Variants in TBC1D9 observed in about 807,000 individuals in gnomAD.
The protein encoded by TBC1D9 is TBC1 domain family member 9.
TBC1D9 carries 63 observed loss-of-function variants against 132.0 expected under a neutral mutation model. The ratio of observed to expected loss-of-function variants is 0.48; its 90% CI spans 0.39 to 0.59. The LOEUF (loss-of-function observed/expected upper bound fraction) is 0.59. Among genes scored for constraint, TBC1D9 ranks in the 20% least tolerant of loss-of-function variants. The pLI is 0.00. For synonymous variants in TBC1D9, 610 were observed against 609.9 expected, an observed-to-expected ratio of 1.00 and a Z score of 0.00; for missense variants, 1,261 against 1,592.7, an observed-to-expected ratio of 0.79 and a Z score of 3.54.
chr4:140,624,232 T>C lies in TBC1D9; in HGVS notation c.2975-13A>G, dbSNP rs759191343. 2 of 1,611,172 alleles carry C rather than the reference T, an allele frequency of 1.2e-6. No individual in the cohort carries two copies. Among genetic ancestry groups the C allele is most frequent in the African/African-American group, 2.7e-5 (2 of 74,896 alleles). On this transcript the variant is annotated splice_polypyrimidine_tract_variant and intron_variant, in intron 19 of 20. Transcript: ENST00000442267. ...TTTGCTCTCTTCCCTACAACCCAAA[T>C]GTCAAGAAATAAGTGCTTACAGGCC... is the stretch of plus-strand genomic sequence containing the variant.
chr4:140,743,862 C>T (rs1483988317), intron 1 of TBC1D9, among the ~76,000 whole-genome samples: 1 of 152,156 alleles, frequency 6.6e-6, no homozygotes, highest in East Asian at 1.9e-4. Context: ...TATGCAGTGT[C>T]CCTAGAGCAG....
At chr4:140,679,904 T>C (rs979119132) in intron 3 of TBC1D9, 61 bp from the exon 4 acceptor site, 2 of 1,375,050 alleles carry the variant, frequency 1.5e-6, no homozygotes, top group Non-Finnish European at 2.0e-6. Context: ...GATGTACATA[T>C]TCCAGAAGAA....
rs186275770 is a variant in TBC1D9, at chr4:140,738,336, C to T, written c.130+17580G>A. Among the ~76,000 whole-genome samples, 303 of 152,290 alleles carry T rather than the reference C, an allele frequency of 2.0e-3. 2 individuals carry two copies. The highest frequency in any genetic ancestry group is 6.7e-3 in the African/African-American group (277 of 41,564). ...TATGTAAAAATGTGGATTTGCTGAGCATGAGATGAATGCATAATTGACCCC... is the reference window on the plus strand; with the variant it reads ...TATGTAAAAATGTGGATTTGCTGAGTATGAGATGAATGCATAATTGACCCC... On this transcript the variant is annotated intron_variant, in intron 1 of 20. Transcript: ENST00000442267.
chr4:140,690,574 G>A (rs938198032), intron 2 of TBC1D9, among the ~76,000 whole-genome samples: 2 of 152,006 alleles, frequency 1.3e-5, no homozygotes, highest in African/African-American at 2.4e-5. Flanking sequence ...CCAGCCACTC[G>A]CTGCTCCCAT....
At chr4:140,662,946 A>G (rs1737387240) in intron 9 of TBC1D9, among the ~76,000 whole-genome samples, 1 of 152,224 alleles carries the variant, frequency 6.6e-6, no homozygotes, top group Non-Finnish European at 1.5e-5. Flanking sequence ...TGAAACCATA[A>G]AACTAGTAGA....
intron 1 of TBC1D9, among the ~76,000 whole-genome samples, chr4:140,740,006 T>A (rs888278499): frequency 6.6e-6 from 1 of 152,188 alleles, no homozygotes; most frequent in Non-Finnish European, 1.5e-5. Flanking sequence ...CTTAGAATAA[T>A]GGAGCTGAAA....
chr4:140,747,017 AAAAT>A (rs375774605), intron 1 of TBC1D9, among the ~76,000 whole-genome samples: 5 of 151,142 alleles, frequency 3.3e-5, no homozygotes, highest in Admixed American at 2.0e-4. Context: ...ATAAAAATAA[AAAAT>A]AAATAAATAA....
chr4:140,667,558 T>C (rs1443666320), intron 9 of TBC1D9, among the ~76,000 whole-genome samples: 1 of 152,088 alleles, frequency 6.6e-6, no homozygotes, highest in Non-Finnish European at 1.5e-5. Flanking sequence ...TAGAGATGAG[T>C]TGACTCAAAT....
chr4:140,677,610 T>G (rs1303721516), intron 5 of TBC1D9, among the ~76,000 whole-genome samples: 1 of 152,206 alleles, frequency 6.6e-6, no homozygotes, highest in Non-Finnish European at 1.5e-5. Context: ...CTGGGTCTTC[T>G]GTTAACTACT....
chr4:140,641,819 G>A (rs946852423), intron 13 of TBC1D9: 11 of 294,796 alleles, frequency 3.7e-5, no homozygotes, highest in Non-Finnish European at 6.5e-5. Context: ...AACCCAGATG[G>A]CGGCCTTCCT....
intron 13 of TBC1D9, among the ~76,000 whole-genome samples, chr4:140,654,832 T>A (rs942024555): frequency 1.6e-4 from 25 of 152,152 alleles, no homozygotes; most frequent in Non-Finnish European, 4.4e-5. Context: ...ATTTTTTTAA[T>A]CCAAACTTTT....
In TBC1D9 at chr4:140,622,415, T is replaced by C. The variant is rs201117117; in HGVS notation, c.3581A>G (p.Gln1194Arg). The C allele has an allele frequency of 2.3e-5, 37 of 1,613,402 alleles. No individual in the cohort carries two copies. The African/African-American group carries it at 4.7e-4, about 20-fold the overall frequency. Residue 1194 changes from glutamine to arginine, a missense_variant, in exon 21 of 21, where the codon CAG (glutamine) becomes CGG (arginine). This residue lies in a region of TBC1D9 where 618 missense variants were observed against 724.4 expected (regional missense o/e 0.85). Coordinates refer to ENST00000442267, the MANE Select transcript of TBC1D9 (RefSeq NM_015130.3). ...GEDTVLVRSGQGTAALPRSTS... is the reference protein window; with the variant it reads ...GEDTVLVRSGRGTAALPRSTS... ...GCTCCGGGGCAGTGCCGCCGTGCCC[T>C]GGCCGCTCCGCACCAGGACCGTGTC...
At position 140,676,894 on chromosome 4, in the gene TBC1D9, C is replaced by T. The variant is rs1737633260; in HGVS notation, c.1059G>A (p.Glu353=). 2.5e-6 allele frequency: 4 copies of T among 1,613,606 alleles called. No homozygotes were observed. The highest frequency in any genetic ancestry group is 1.3e-5 in the African/African-American group (1 of 74,898). Reference sequence around the variant, plus strand: ...ATATCAATTTTTATCAGATACTTACCTCACGGAGCGGGATAATGAGGCTAC... The same window carrying T: ...ATATCAATTTTTATCAGATACTTACTTCACGGAGCGGGATAATGAGGCTAC... ...NLCSLIIPLR[E]VTIVEKADSS... is the part of the protein sequence containing the mutation. Residue 353 remains glutamate (E), a splice_region_variant and synonymous_variant, in exon 6 of 21, where the codon GAG becomes GAA. Coordinates refer to ENST00000442267, the MANE Select transcript of TBC1D9 (RefSeq NM_015130.3).
At chr4:140,686,319 A>G in intron 3 of TBC1D9, 25 bp downstream of exon 3, 1 of 1,276,974 alleles carries the variant, frequency 7.8e-7, no homozygotes, top group Non-Finnish European at 1.1e-6. Context: ...TTTCCAATTA[A>G]AATGTTTTTC....
intron 13 of TBC1D9, among the ~76,000 whole-genome samples, chr4:140,646,276 C>A (rs1737102285): frequency 6.6e-6 from 1 of 152,178 alleles, no homozygotes; most frequent in Non-Finnish European, 1.5e-5. Context: ...AAGTTCAAAC[C>A]CAGGTCGTCT....
chr4:140,755,479 G>A (rs2111090573), intron 1 of TBC1D9, among the ~76,000 whole-genome samples: 1 of 152,118 alleles, frequency 6.6e-6, no homozygotes, highest in South Asian at 2.1e-4. Context: ...TCGCTTCCCT[G>A]GAAACAAAAG....
chr4:140,715,421 C>T (rs1403997878), intron 1 of TBC1D9, among the ~76,000 whole-genome samples: 1 of 152,196 alleles, frequency 6.6e-6, no homozygotes, highest in East Asian at 1.9e-4. Context: ...TGCATACATC[C>T]TGGTAACAAA....
chr4:140,707,114 C>T (rs1426043100), intron 1 of TBC1D9, among the ~76,000 whole-genome samples: 1 of 107,808 alleles, frequency 9.3e-6, no homozygotes, highest in Non-Finnish European at 1.8e-5. Context: ...ATCTCCAATA[C>T]TTAGTATTAC....
At chr4:140,645,664 TA>T (rs1418633337) in intron 13 of TBC1D9, among the ~76,000 whole-genome samples, 1 of 152,230 alleles carries the variant, frequency 6.6e-6, no homozygotes, top group East Asian at 1.9e-4. Context: ...TCTCTTGGGA[TA>T]AAATTCCAAG....
Sources: gnomAD v4.1 joint callset for allele counts (sites outside exome capture counted in the v4.1 genomes callset) on GRCh38, gnomAD v4.1.1 for gene constraint, gnomAD v4.1.1 regional missense constraint, MANE v1.5 for transcripts, NCBI Gene and HGNC (gene_info 2026-07-23, HGNC 2026-07-21) for gene names.